STN1: variants seen among roughly 807,000 people sequenced by gnomAD.
The protein encoded by STN1 is STN1 subunit of CST complex, also known as CST complex subunit STN1.
STN1 carries 29 observed loss-of-function variants against 45.5 expected under a neutral mutation model. That is an observed-to-expected ratio of 0.64 (90% confidence interval 0.47 to 0.87). The LOEUF is 0.87. Among genes scored for constraint, STN1 ranks in the 40% least tolerant of loss-of-function variants. STN1 has a pLI of 0.00. For synonymous variants in STN1, 148 were observed against 159.0 expected, an observed-to-expected ratio of 0.93 and a Z score of 0.52; for missense variants, 376 against 441.4, an observed-to-expected ratio of 0.85 and a Z score of 1.33.
At chr10:103,909,500 ATG>A (rs56411165) in intron 3 of STN1, among the ~76,000 whole-genome samples, 2 of 53,944 alleles carry the variant, frequency 3.7e-5, no homozygotes, top group Non-Finnish European at 7.8e-5. Flanking sequence ...GTGTGTGTAT[ATG>A]TATATATGTA....
chr10:103,910,630 T>G lies in STN1; in HGVS notation c.134-8A>C. The G allele has an allele frequency of 6.5e-7, 1 of 1,528,968 alleles. No homozygotes were observed. Among genetic ancestry groups the G allele is most frequent in the Non-Finnish European group, 9.0e-7 (1 of 1,105,862 alleles). The allele number at this position is 1,528,968 out of a possible 1,614,324, so 94.7% of individuals were successfully genotyped here. ...CATTGTACAAAAATACACCTAAAATTTAAAAAAAGCAAAGTCGACATAATG... is the reference window on the plus strand; with the variant it reads ...CATTGTACAAAAATACACCTAAAATGTAAAAAAAGCAAAGTCGACATAATG... On this transcript the variant is annotated splice_polypyrimidine_tract_variant and splice_region_variant and intron_variant, in intron 2 of 9. Coordinates refer to ENST00000224950, the MANE Select transcript of STN1 (RefSeq NM_024928.5).
At chr10:103,914,656 T>C (rs1420565110) in intron 2 of STN1, among the ~76,000 whole-genome samples, 2 of 149,962 alleles carry the variant, frequency 1.3e-5, no homozygotes, top group Non-Finnish European at 3.0e-5. Context: ...CCTGGGATAC[T>C]TTTTTTTTAA....
rs1326962380 is a variant in STN1 at position 103,881,360 on chromosome 10, A to C, written c.*1324T>G. Among the ~76,000 whole-genome samples, 1 of 152,220 alleles carries C rather than the reference A, an allele frequency of 6.6e-6. No homozygotes were observed. The highest frequency in any genetic ancestry group is 2.4e-5 in the African/African-American group (1 of 41,466). On this transcript the variant is annotated 3_prime_UTR_variant, in exon 10 of 10. Transcript: ENST00000224950. ...TGCATTCAACGTGGAACAGCTGCTG[A>C]CCTCAAGGAAGAACTGCCCAGGACA...
At chr10:103,890,883 G>C (rs1425047930) in intron 8 of STN1, among the ~76,000 whole-genome samples, 1 of 152,204 alleles carries the variant, frequency 6.6e-6, no homozygotes, top group African/African-American at 2.4e-5. Flanking sequence ...GTCTCTGGGA[G>C]AGCTGCACAT....
rs1843070565 is a variant in STN1 at position 103,881,784 on chromosome 10, C to T, written c.*900G>A. On this transcript the variant is annotated 3_prime_UTR_variant, in exon 10 of 10. Coordinates refer to ENST00000224950, the MANE Select transcript of STN1 (RefSeq NM_024928.5). ...GCTGTCAGAACAGGCCTACAACATA[C>T]CTCAGATGTTTTTCCTTTACCTTGT... Among the ~76,000 whole-genome samples the T allele has an allele frequency of 6.6e-6, 1 of 152,174 alleles. No homozygotes were observed. The highest frequency in any genetic ancestry group is 2.4e-5 in the African/African-American group (1 of 41,440).
Position 103,898,857 on chromosome 10 carries a change from A to T in STN1, c.581+20T>A, listed in dbSNP as rs1208893652. On this transcript the variant is annotated intron_variant, in intron 6 of 9. Transcript: ENST00000224950. ...TTTCTGCCGTGGTCACGTGCTCAGCAGTGATAAGTCACCACTTACCTTAGT... is the reference window on the plus strand; with the variant it reads ...TTTCTGCCGTGGTCACGTGCTCAGCTGTGATAAGTCACCACTTACCTTAGT... 6.2e-7 allele frequency: 1 copy of T among 1,613,276 alleles called. No homozygotes were observed. The highest frequency in any genetic ancestry group is 1.7e-5 in the Admixed American group (1 of 60,006).
chr10:103,900,342 G>A, intron 4 of STN1, 119 bp from the exon 5 acceptor site: 1 of 950,078 alleles, frequency 1.1e-6, no homozygotes, highest in Non-Finnish European at 1.5e-6. Flanking sequence ...CTACTTCTGA[G>A]TAATTGTTCT....
At chr10:103,889,500 C>T (rs1018269305) in intron 8 of STN1, among the ~76,000 whole-genome samples, 16 of 151,586 alleles carry the variant, frequency 1.1e-4, no homozygotes, top group African/African-American at 3.9e-4. Flanking sequence ...CACCCCATGA[C>T]TCCTTCTTCT....
At position 103,882,553 on chromosome 10, in the gene STN1, A is replaced by T. The variant is rs191245435; in HGVS notation, c.*131T>A. 119 of 905,138 alleles carry T rather than the reference A, an allele frequency of 1.3e-4. No homozygotes were observed. In the African/African-American group the frequency reaches 1.8e-3, roughly 14 times the overall value. 56.1% of individuals were successfully genotyped at this position (905,138 alleles called of 1,614,324 possible). On this transcript the variant is annotated 3_prime_UTR_variant, in exon 10 of 10. Coordinates refer to ENST00000224950, the MANE Select transcript of STN1 (RefSeq NM_024928.5). ...TATGCCAAATCCCATTCCCAAGATG[A>T]CTATATTTTATAGTTTATTATGAGG...
chr10:103,888,973 GA>G, intron 9 of STN1, 98 bp downstream of exon 9: 1 of 816,468 alleles, frequency 1.2e-6, no homozygotes, highest in Non-Finnish European at 2.1e-6. Flanking sequence ...TCACTACTGG[GA>G]AAAGTCCCGG....
intron 8 of STN1, 121 bp from the exon 9 acceptor site, chr10:103,889,265 T>A (rs1162045833): frequency 3.0e-6 from 2 of 657,112 alleles, no homozygotes; most frequent in Admixed American, 4.6e-5. Flanking sequence ...TCATCTTCCC[T>A]ACACCATTAA....
chr10:103,914,360 A>ATTTTTTTTTTTTTTTTTT (rs1564636131), intron 2 of STN1, among the ~76,000 whole-genome samples: 1 of 10,458 alleles, frequency 9.6e-5, no homozygotes, highest in Non-Finnish European at 2.6e-4. Context: ...ATATATATAT[A>ATTTTTTTTTTTTTTTTTT]TATATATATA....
intron 4 of STN1, among the ~76,000 whole-genome samples, 172 bp downstream of exon 4, chr10:103,904,919 T>C (rs535695014): frequency 2.2e-4 from 34 of 152,354 alleles, no homozygotes; most frequent in Non-Finnish European, 2.8e-4. Context: ...GGCTCTCCTA[T>C]GGCATCAGTT....
rs1843043256 is a variant in STN1 at position 103,878,221 on chromosome 10, G to A, written c.*4463C>T. On this transcript the variant is annotated 3_prime_UTR_variant, in exon 10 of 10. Transcript: ENST00000224950. ...TCTTGCCTACACAAGCTACATGTGG[G>A]GTTCACACCTCCTGAAACATGTGCA... 1 of 152,216 alleles carries A rather than the reference G, an allele frequency of 6.6e-6. No individual in the cohort carries two copies. Among genetic ancestry groups the A allele is most frequent in the Non-Finnish European group, 1.5e-5 (1 of 68,048 alleles). The allele number at this position is 152,216 out of a possible 1,614,324, so 9.4% of individuals were successfully genotyped here.
At position 103,879,914 on chromosome 10, in the gene STN1, T is replaced by A. The variant is rs946982633; in HGVS notation, c.*2770A>T. On this transcript the variant is annotated 3_prime_UTR_variant, in exon 10 of 10. Transcript: ENST00000224950. ...CTGGATGGAGCTACCTCTTCCTGAATCAGGGACATTTTCCAAAGGAGTGGC... is the reference window on the plus strand; with the variant it reads ...CTGGATGGAGCTACCTCTTCCTGAAACAGGGACATTTTCCAAAGGAGTGGC... 6.6e-6 allele frequency among the ~76,000 whole-genome samples: 1 copy of A among 152,234 alleles called. No homozygotes were observed. The highest frequency in any genetic ancestry group is 1.5e-5 in the Non-Finnish European group (1 of 68,038).
At chr10:103,901,569 G>C (rs760237698) in intron 4 of STN1, among the ~76,000 whole-genome samples, 4 of 152,136 alleles carry the variant, frequency 2.6e-5, no homozygotes, top group South Asian at 2.1e-4. Context: ...CTTACGCTTC[G>C]GTTTCCTCAA....
Position 103,882,321 on chromosome 10 carries a change from T to C in STN1, c.*363A>G, listed in dbSNP as rs929454708. 2.6e-5 allele frequency among the ~76,000 whole-genome samples: 4 copies of C among 152,254 alleles called. No individual in the cohort carries two copies. Among genetic ancestry groups the C allele is most frequent in the African/African-American group, 9.6e-5 (4 of 41,472 alleles). On this transcript the variant is annotated 3_prime_UTR_variant, in exon 10 of 10. Transcript: ENST00000224950. ...TGCCCCTCAGTTCCTGAATGTTCAC[T>C]ACCCTGTGGTGTCCCTTTGCCATGG... is the stretch of plus-strand genomic sequence containing the variant.
chr10:103,906,003 T>A (rs1289522599), intron 3 of STN1, among the ~76,000 whole-genome samples: 2 of 151,374 alleles, frequency 1.3e-5, no homozygotes, highest in African/African-American at 2.4e-5. Context: ...TCTCTAAATT[T>A]AAAAAAAAAT....
chr10:103,915,694 C>T (rs1266915220), intron 2 of STN1, among the ~76,000 whole-genome samples: 2 of 152,030 alleles, frequency 1.3e-5, no homozygotes, highest in East Asian at 3.8e-4. Context: ...AACACAACAA[C>T]AAAACAAAAA....
Sources: gnomAD v4.1 joint callset for allele counts (sites outside exome capture counted in the v4.1 genomes callset) on GRCh38, gnomAD v4.1.1 for gene constraint, MANE v1.5 for transcripts, NCBI Gene and HGNC (gene_info 2026-07-23, HGNC 2026-07-21) for gene names.